Variants in CSMD3 observed in about 807,000 individuals in gnomAD.
CSMD3 encodes CUB and Sushi multiple domains 3, also known as CUB and sushi domain-containing protein 3.
A neutral mutation model predicts 435.2 loss-of-function variants in CSMD3; 177 were observed. The observed-to-expected ratio is 0.41, with a 90% CI of 0.36 to 0.46. The LOEUF (loss-of-function observed/expected upper bound fraction) is 0.46. Among genes scored for constraint, CSMD3 ranks in the 20% least tolerant of loss-of-function variants. The pLI is 0.34. For synonymous variants in CSMD3, 1,656 were observed against 1,520.5 expected (o/e 1.09, Z -2.07); for missense variants, 4,265 against 4,504.6 (o/e 0.95, Z 1.52).
chr8:113,077,108 A>G (rs1049326314), intron 5 of CSMD3, among the ~76,000 whole-genome samples: 1 of 152,126 alleles, frequency 6.6e-6, no homozygotes. Flanking sequence ...AGAATTAAAT[A>G]TATATACACA....
chr8:112,554,498 A>G (rs1396837005), intron 25 of CSMD3, among the ~76,000 whole-genome samples: 1 of 151,934 alleles, frequency 6.6e-6, no homozygotes, highest in Non-Finnish European at 1.5e-5. Flanking sequence ...ATGATTTATC[A>G]CTATTTGATT....
chr8:112,638,722 T>C lies in CSMD3; in HGVS notation c.3500A>G (p.Tyr1167Cys), dbSNP rs779250394. Residue 1167 changes from tyrosine (Y) to cysteine (C), a missense_variant, in exon 21 of 71, where the codon TAT (tyrosine) becomes TGT (cysteine). This residue lies in a region of CSMD3 where 3,255 missense variants were observed against 3,380.2 expected (regional missense o/e 0.96). Coordinates refer to ENST00000297405, the MANE Select transcript of CSMD3 (RefSeq NM_198123.2). ...AGAGAATGTTATGTTAAATCCTTCATATGATATTGAAAAATCTGAAATGAA... is the reference window on the plus strand; with the variant it reads ...AGAGAATGTTATGTTAAATCCTTCACATGATATTGAAAAATCTGAAATGAA... ...LRFISDFSIS[Y>C]EGFNITFSEY... The C allele has an allele frequency of 6.3e-7, 1 of 1,597,750 alleles. No individual in the cohort carries two copies. Among genetic ancestry groups the C allele is most frequent in the South Asian group, 1.1e-5 (1 of 90,734 alleles).
intron 10 of CSMD3, among the ~76,000 whole-genome samples, chr8:112,914,936 T>C (rs2082531594): frequency 6.6e-6 from 1 of 151,906 alleles, no homozygotes; most frequent in Admixed American, 6.6e-5. Flanking sequence ...TATTTAAGTT[T>C]TCCAACTTTT....
chr8:113,422,100 T>C (rs1426475066), intron 1 of CSMD3, among the ~76,000 whole-genome samples: 1 of 152,212 alleles, frequency 6.6e-6, no homozygotes, highest in Non-Finnish European at 1.5e-5. Context: ...CTACTGCCAC[T>C]GTCCCCCTTC....
chr8:113,338,778 T>C (rs780246538), intron 1 of CSMD3, among the ~76,000 whole-genome samples: 1 of 151,930 alleles, frequency 6.6e-6, no homozygotes, highest in Admixed American at 6.6e-5. Context: ...TTCTTTAGAA[T>C]AATGTTCTTA....
chr8:112,938,107 T>C (rs1278373748), intron 9 of CSMD3, among the ~76,000 whole-genome samples: 4 of 152,156 alleles, frequency 2.6e-5, no homozygotes, highest in Admixed American at 2.0e-4. Flanking sequence ...GTCAGGCTGC[T>C]GGAACTGCCT....
At chr8:112,273,175 C>G (rs1817683458) in intron 59 of CSMD3, among the ~76,000 whole-genome samples, 1 of 151,614 alleles carries the variant, frequency 6.6e-6, no homozygotes, top group South Asian at 2.1e-4. Flanking sequence ...TTTTCAATCA[C>G]AAAAATAGGA....
intron 7 of CSMD3, among the ~76,000 whole-genome samples, chr8:112,962,764 A>G (rs1429741909): frequency 1.3e-5 from 2 of 151,912 alleles, no homozygotes; most frequent in East Asian, 3.9e-4. Flanking sequence ...CACACTCATC[A>G]TACCCATCTA....
At chr8:112,975,228 T>G (rs1242306714) in intron 7 of CSMD3, among the ~76,000 whole-genome samples, 1 of 152,054 alleles carries the variant, frequency 6.6e-6, no homozygotes, top group East Asian at 1.9e-4. Flanking sequence ...ATACTTAAAT[T>G]TTGGAGGCAT....
chr8:112,599,837 G>A (rs1487678134), intron 22 of CSMD3, among the ~76,000 whole-genome samples: 10 of 131,832 alleles, frequency 7.6e-5, no homozygotes, highest in Non-Finnish European at 1.4e-4. Context: ...CATGGACACA[G>A]GAAGGGGAAT....
At chr8:112,359,535 T>A (rs371610039) in intron 38 of CSMD3, among the ~76,000 whole-genome samples, 15 of 152,160 alleles carry the variant, frequency 9.9e-5, no homozygotes, top group East Asian at 7.7e-4. Flanking sequence ...CTAGATTATT[T>A]CTTAATAAAT....
chr8:112,638,576 T>C, intron 21 of CSMD3, 120 bp downstream of exon 21: 3 of 694,562 alleles, frequency 4.3e-6, no homozygotes, highest in South Asian at 3.3e-5. Flanking sequence ...CTTTCTTCTT[T>C]TTAAAATTTT....
At chr8:113,195,906 T>C (rs980615812) in intron 3 of CSMD3, among the ~76,000 whole-genome samples, 3 of 149,472 alleles carry the variant, frequency 2.0e-5, no homozygotes. Context: ...ATATCCACCT[T>C]TTTGCCTTCA....
chr8:113,376,597 T>A, intron 1 of CSMD3: 2 of 843,530 alleles, frequency 2.4e-6, no homozygotes, highest in Non-Finnish European at 1.9e-6. Context: ...GATATCCAAT[T>A]TTTTTTAATC....
intron 63 of CSMD3, among the ~76,000 whole-genome samples, chr8:112,251,169 A>G (rs1311570788): frequency 6.6e-6 from 1 of 151,754 alleles, no homozygotes; most frequent in African/African-American, 2.4e-5. Flanking sequence ...AGAACTTTCA[A>G]AATTTATTTA....
At chr8:112,705,986 AG>A (rs1382916051) in intron 13 of CSMD3, among the ~76,000 whole-genome samples, 3 of 152,050 alleles carry the variant, frequency 2.0e-5, no homozygotes, top group Non-Finnish European at 4.4e-5. Context: ...AGTTCTTCAA[AG>A]GAACTCCTTG....
chr8:112,396,752 A>C (rs906009257), intron 35 of CSMD3, among the ~76,000 whole-genome samples: 1 of 152,204 alleles, frequency 6.6e-6, no homozygotes, highest in African/African-American at 2.4e-5. Flanking sequence ...AGGGACAATT[A>C]AGACAGATTA....
chr8:113,255,155 A>G (rs2093368839), intron 3 of CSMD3, among the ~76,000 whole-genome samples: 1 of 152,156 alleles, frequency 6.6e-6, no homozygotes, highest in African/African-American at 2.4e-5. Context: ...CAAATAATAA[A>G]CAATAATATT....
chr8:113,189,212 T>A (rs1422913679), intron 3 of CSMD3, among the ~76,000 whole-genome samples: 3 of 151,822 alleles, frequency 2.0e-5, no homozygotes, highest in Non-Finnish European at 2.9e-5. Context: ...TTGTTACTGG[T>A]TGTAGTTCAT....
Sources: gnomAD v4.1 joint callset for allele counts (sites outside exome capture counted in the v4.1 genomes callset) on GRCh38, gnomAD v4.1.1 for gene constraint, gnomAD v4.1.1 regional missense constraint, MANE v1.5 for transcripts, NCBI Gene and HGNC (gene_info 2026-07-23, HGNC 2026-07-21) for gene names.